Variants in IRAK4 observed in about 807,000 individuals in gnomAD.
The protein encoded by IRAK4 is interleukin 1 receptor associated kinase 4.
In IRAK4, 44 loss-of-function variants were observed where a neutral mutation model predicts 51.8. The ratio of observed to expected loss-of-function variants is 0.85; its 90% CI spans 0.67 to 1.09. IRAK4 has a LOEUF of 1.09. IRAK4 is among the 50% of genes least tolerant of loss of function. The probability of loss-of-function intolerance (pLI) is 0.00; values close to 1 mark genes in which losing one functional copy is unlikely to be tolerated. For missense variants in IRAK4, 487 were observed against 538.0 expected (o/e 0.91, Z 0.94); for synonymous variants, 149 against 174.1 (o/e 0.86, Z 1.13).
chr12:43,780,964 C>G (rs1315027931), intron 8 of IRAK4, among the ~76,000 whole-genome samples: 1 of 152,150 alleles, frequency 6.6e-6, no homozygotes, highest in Non-Finnish European at 1.5e-5. Context: ...GCTTCCAATC[C>G]TGGATTTTTA....
At chr12:43,786,598 G>A in intron 11 of IRAK4, 41 bp downstream of exon 11, 1 of 1,607,218 alleles carries the variant, frequency 6.2e-7, no homozygotes, top group Non-Finnish European at 8.5e-7. Flanking sequence ...GAAAGGGGTG[G>A]GGTTCATCAT....
chr12:43,776,794 T>C (rs1208867543), intron 6 of IRAK4, among the ~76,000 whole-genome samples: 1 of 152,238 alleles, frequency 6.6e-6, no homozygotes, highest in Non-Finnish European at 1.5e-5. Flanking sequence ...AGATTGTAGG[T>C]CTCTTTAGTT....
chr12:43,784,327 C>T (rs961475113), intron 10 of IRAK4, among the ~76,000 whole-genome samples: 5 of 152,282 alleles, frequency 3.3e-5, no homozygotes, highest in African/African-American at 7.2e-5. Flanking sequence ...ATCTACTTTG[C>T]AGCGGAAGTC....
In IRAK4 at chr12:43,786,721, T is replaced by A. The variant is rs1349132326; in HGVS notation, c.*6T>A. 1.6e-5 allele frequency: 26 copies of A among 1,612,428 alleles called. No individual in the cohort carries two copies. The highest frequency in any genetic ancestry group is 2.2e-5 in the Non-Finnish European group (26 of 1,178,806). On this transcript the variant is annotated 3_prime_UTR_variant, in exon 12 of 12. Transcript: ENST00000613694. ...AAGAGATGACAGCTTCTTAAAACTT[T>A]ATTGGAAAAGACTCTTGACTTTTTA...
At chr12:43,779,787 G>A (rs534631632) in intron 8 of IRAK4, among the ~76,000 whole-genome samples, 56 of 152,290 alleles carry the variant, frequency 3.7e-4, no homozygotes, top group African/African-American at 1.3e-3. Context: ...TGTTGTGTTT[G>A]GGGTGCTTTT....
intron 6 of IRAK4, among the ~76,000 whole-genome samples, chr12:43,776,287 A>G (rs1000440239): frequency 6.6e-6 from 1 of 152,206 alleles, no homozygotes; most frequent in African/African-American, 2.4e-5. Context: ...GGACAATAGT[A>G]CTTACTTAAG....
Position 43,788,360 on chromosome 12 carries a change from T to C in IRAK4, c.*1645T>C, listed in dbSNP as rs1351989663. ...TGCCACCCTCCAGACTTGAGAATTG[T>C]AGAGCCACCAGCAGCTTGCACTCTG... On this transcript the variant is annotated 3_prime_UTR_variant, in exon 12 of 12. Transcript: ENST00000613694. 6.6e-6 allele frequency: 1 copy of C among 152,204 alleles called. No homozygotes were observed. The highest frequency in any genetic ancestry group is 1.5e-5 in the Non-Finnish European group (1 of 68,110). The allele number at this position is 152,204 out of a possible 1,614,324, so 9.4% of individuals were successfully genotyped here.
chr12:43,768,905 G>A (rs1818022058), intron 2 of IRAK4, among the ~76,000 whole-genome samples: 1 of 152,062 alleles, frequency 6.6e-6, no homozygotes, highest in East Asian at 1.9e-4. Flanking sequence ...TTCTTTGGTA[G>A]CAAAAGGAAA....
At chr12:43,767,338 A>G (rs1940259638) in intron 1 of IRAK4, among the ~76,000 whole-genome samples, 1 of 152,260 alleles carries the variant, frequency 6.6e-6, no homozygotes, top group Non-Finnish European at 1.5e-5. Flanking sequence ...AAAGGGGGTT[A>G]CCATAAATTT....
intron 1 of IRAK4, chr12:43,763,222 G>A (rs1037374371): frequency 1.3e-5 from 2 of 152,248 alleles, no homozygotes; most frequent in South Asian, 2.1e-4. Context: ...TTTTAGTGTA[G>A]TATCAAAGAG....
At chr12:43,779,581 A>T (rs193233289) in intron 8 of IRAK4, among the ~76,000 whole-genome samples, 52 of 152,304 alleles carry the variant, frequency 3.4e-4, no homozygotes, top group African/African-American at 1.2e-3. Flanking sequence ...TTAAAATGGC[A>T]AAACTTGTTG....
At chr12:43,769,957 C>T (rs1355324173) in intron 2 of IRAK4, among the ~76,000 whole-genome samples, 1 of 152,036 alleles carries the variant, frequency 6.6e-6, no homozygotes, top group African/African-American at 2.4e-5. Context: ...ACACACACAC[C>T]CACAGACACA....
Position 43,777,632 on chromosome 12 carries a change from G to T in IRAK4, c.719G>T (p.Cys240Phe), listed in dbSNP as rs1592244811. The change falls in exon 7 of 12, where the codon TGT becomes TTT. Residue 240 changes from cysteine to phenylalanine, a missense_variant and splice_region_variant. Coordinates refer to ENST00000613694, the MANE Select transcript of IRAK4 (RefSeq NM_016123.4). ...FDQEIKVMAK[C>F]QHENLVELLG... ...GCATGAAAAATTATTTGTCACAGGTGTCAACATGAAAACTTAGTAGAACTA... is the reference window on the plus strand; with the variant it reads ...GCATGAAAAATTATTTGTCACAGGTTTCAACATGAAAACTTAGTAGAACTA... 5 of 1,602,968 alleles carry T rather than the reference G, an allele frequency of 3.1e-6. No individual in the cohort carries two copies. In the East Asian group the frequency reaches 1.1e-4, roughly 36 times the overall value.
At chr12:43,760,171 C>A (rs542053956) in intron 1 of IRAK4, among the ~76,000 whole-genome samples, 2 of 147,992 alleles carry the variant, frequency 1.4e-5, no homozygotes, top group Non-Finnish European at 3.0e-5. Context: ...CCTTCTCTAT[C>A]TCAGTAAATA....
chr12:43,785,787 G>T (rs1235429751), intron 10 of IRAK4, among the ~76,000 whole-genome samples: 1 of 151,804 alleles, frequency 6.6e-6, no homozygotes, highest in East Asian at 1.9e-4. Flanking sequence ...ACATACCTGG[G>T]CTATATGGTA....
intron 6 of IRAK4, among the ~76,000 whole-genome samples, chr12:43,776,469 T>C (rs907002348): frequency 3.3e-5 from 5 of 152,338 alleles, no homozygotes; most frequent in East Asian, 3.9e-4. Context: ...CTAGAAGAAA[T>C]TGATATAATG....
chr12:43,780,571 TC>T (rs370699989), intron 8 of IRAK4, among the ~76,000 whole-genome samples: 12 of 150,196 alleles, frequency 8.0e-5, no homozygotes, highest in African/African-American at 2.9e-4. Flanking sequence ...CCCTGTATGT[TC>T]TTTTTTTTTT....
chr12:43,760,108 A>G (rs1939336161), intron 1 of IRAK4, among the ~76,000 whole-genome samples: 1 of 152,034 alleles, frequency 6.6e-6, no homozygotes. Context: ...TTTGCTTTCT[A>G]CCTCTCCAAA....
At chr12:43,759,666 C>G (rs1271733566) in intron 1 of IRAK4, 1 of 152,462 alleles carries the variant, frequency 6.6e-6, no homozygotes, top group African/African-American at 2.4e-5. Context: ...GTCAGGAGTT[C>G]GAGACCAGCC....
Sources: allele counts gnomAD v4.1 joint callset (sites outside exome capture counted in the v4.1 genomes callset), GRCh38; gene constraint gnomAD v4.1.1; transcripts MANE v1.5; gene names NCBI Gene and HGNC (gene_info 2026-07-23, HGNC 2026-07-21).